Variants in UBXN2A observed in about 807,000 individuals in gnomAD.
The protein encoded by UBXN2A is UBX domain protein 2A.
Under a neutral mutation model 28.4 loss-of-function variants are expected in UBXN2A, and 28 were observed. The observed-to-expected ratio is 0.99, with a 90% CI of 0.73 to 1.35. The LOEUF (loss-of-function observed/expected upper bound fraction) is 1.35, where lower values mean the gene tolerates loss of function less well. Among genes scored for constraint, UBXN2A ranks in the 40% most tolerant of loss-of-function variants. UBXN2A has a pLI of 0.00. For missense variants in UBXN2A, 253 were observed against 297.9 expected (o/e 0.85, Z 1.11); for synonymous variants, 97 against 103.6 (o/e 0.94, Z 0.39).
chr2:23,940,232 G>A (rs986609576), upstream of UBXN2A, among the ~76,000 whole-genome samples: 3 of 152,042 alleles, frequency 2.0e-5, no homozygotes, highest in African/African-American at 7.2e-5. Context: ...AGGCTGAGGA[G>A]GTACCCAGGT....
upstream of UBXN2A, among the ~76,000 whole-genome samples, chr2:23,940,110 C>CAAAA (rs70941601): frequency 8.1e-4 from 84 of 103,992 alleles, no homozygotes; most frequent in South Asian, 2.9e-3. Context: ...GATTTAGTCT[C>CAAAA]AAAAAAAAAA....
chr2:23,999,563 G>A (rs1442159153), intron 6 of UBXN2A, 109 bp from the exon 7 acceptor site: 17 of 1,220,638 alleles, frequency 1.4e-5, no homozygotes, highest in African/African-American at 9.3e-5. Context: ...AAAGCAAGAC[G>A]CTATCTCTAA....
intron 6 of UBXN2A, among the ~76,000 whole-genome samples, chr2:23,985,875 C>T (rs1458796858): frequency 6.6e-6 from 1 of 151,986 alleles, no homozygotes; most frequent in Non-Finnish European, 1.5e-5. Context: ...GATGCACATC[C>T]GTAGTCCCAG....
chr2:23,962,554 C>G (rs557152156), intron 2 of UBXN2A, among the ~76,000 whole-genome samples: 1 of 151,694 alleles, frequency 6.6e-6, no homozygotes, highest in Non-Finnish European at 1.5e-5. Flanking sequence ...AAGACATACC[C>G]GAGACTGGGC....
rs189954888 is a variant in UBXN2A at position 23,982,427 on chromosome 2, A to T, written c.288-469A>T. On this transcript the variant is annotated intron_variant, in intron 4 of 6. Coordinates refer to ENST00000309033, the MANE Select transcript of UBXN2A (RefSeq NM_181713.4). ...CACATTTAAAGCCGTCCTAGGCCAC[A>T]GATTGGACAAGCCTGGTGTAGTATA... Among the ~76,000 whole-genome samples the T allele has an allele frequency of 8.5e-5, 13 of 152,240 alleles. No individual in the cohort carries two copies. The East Asian group carries it at 2.1e-3, about 25-fold the overall frequency.
intron 2 of UBXN2A, among the ~76,000 whole-genome samples, chr2:23,965,338 T>C (rs373782888): frequency 6.6e-6 from 1 of 152,236 alleles, no homozygotes; most frequent in Non-Finnish European, 1.5e-5. Flanking sequence ...TTAAATATGA[T>C]GTTAGATGTA....
chr2:23,985,106 TA>T (rs1708072713), intron 6 of UBXN2A, among the ~76,000 whole-genome samples: 1 of 152,050 alleles, frequency 6.6e-6, no homozygotes, highest in Admixed American at 6.6e-5. Flanking sequence ...CAGCTAATTT[TA>T]AAAATTGTTT....
intron 3 of UBXN2A, among the ~76,000 whole-genome samples, chr2:23,974,016 A>ATT (rs71395170): frequency 0.014 from 1,912 of 140,424 alleles, 33 homozygotes; most frequent in Non-Finnish European, 0.021. Context: ...AAAATGATTA[A>ATT]TTTTTTTTTT....
In UBXN2A at chr2:23,967,252, A is replaced by C. The variant is rs541971238; in HGVS notation, c.42-4024A>C. Among the ~76,000 whole-genome samples the C allele has an allele frequency of 1.1e-3, 171 of 152,298 alleles. 1 individual carries two copies. The highest frequency in any genetic ancestry group is 4.0e-3 in the African/African-American group (167 of 41,590). On this transcript the variant is annotated intron_variant, in intron 2 of 6. Transcript: ENST00000309033. ...AAATATTTGAGTAATTTGAATGCAC[A>C]TGATGAAGTTTAATAGAATTTACAC...
intron 2 of UBXN2A, among the ~76,000 whole-genome samples, chr2:23,961,803 C>A (rs542045812): frequency 2.0e-5 from 3 of 150,978 alleles, no homozygotes; most frequent in African/African-American, 7.3e-5. Flanking sequence ...GCCTCGGACT[C>A]CCATAGTGCT....
At chr2:23,947,764 A>T (rs959754250) in intron 1 of UBXN2A, among the ~76,000 whole-genome samples, 1 of 152,212 alleles carries the variant, frequency 6.6e-6, no homozygotes, top group Non-Finnish European at 1.5e-5. Flanking sequence ...AGAAACTGTC[A>T]TACTGATACT....
At chr2:23,958,277 C>T in intron 1 of UBXN2A, 24 bp from the exon 2 acceptor site, 7 of 1,567,908 alleles carry the variant, frequency 4.5e-6, no homozygotes, top group Non-Finnish European at 6.0e-6. Flanking sequence ...TTTCTTTTTA[C>T]TTACTTTCTT....
chr2:23,945,466 G>T (rs1706020744), intron 1 of UBXN2A, among the ~76,000 whole-genome samples: 1 of 152,160 alleles, frequency 6.6e-6, no homozygotes, highest in South Asian at 2.1e-4. Flanking sequence ...TGGTTCTGAT[G>T]CTATCATAGT....
At chr2:23,969,821 AAAAT>A (rs1329028944) in intron 2 of UBXN2A, among the ~76,000 whole-genome samples, 2 of 152,180 alleles carry the variant, frequency 1.3e-5, no homozygotes, top group Admixed American at 1.3e-4. Flanking sequence ...CTCTGTCTCA[AAAAT>A]AAATAAATAA....
Position 23,996,485 on chromosome 2 carries a change from T to C in UBXN2A, c.585-3187T>C, listed in dbSNP as rs1183825667. ...CTTTTTTCTTTTTCTTTTTCTTTTT[T>C]TTTTTTTTAAGATAGAGTTTCGCTC... is the stretch of plus-strand genomic sequence containing the variant. On this transcript the variant is annotated intron_variant, in intron 6 of 6. Coordinates refer to ENST00000309033, the MANE Select transcript of UBXN2A (RefSeq NM_181713.4). Among the ~76,000 whole-genome samples, 6 of 151,176 alleles carry C rather than the reference T, an allele frequency of 4.0e-5. 1 individual carries two copies. Among genetic ancestry groups the C allele is most frequent in the Admixed American group, 2.0e-4 (3 of 15,158 alleles).
Position 24,000,091 on chromosome 2 carries a change from T to C in UBXN2A, c.*224T>C, listed in dbSNP as rs1708685032. 1.4e-5 allele frequency: 7 copies of C among 486,322 alleles called. No homozygotes were observed. The highest frequency in any genetic ancestry group is 2.5e-5 in the Non-Finnish European group (7 of 278,282). The allele number at this position is 486,322 out of a possible 1,614,324, so 30.1% of individuals were successfully genotyped here. ...TTCTCCAAAAGACTACCCAGAAAAATAGACTTATTTTCAAATACCAGTTAT... is the reference window on the plus strand; with the variant it reads ...TTCTCCAAAAGACTACCCAGAAAAACAGACTTATTTTCAAATACCAGTTAT... On this transcript the variant is annotated 3_prime_UTR_variant, in exon 7 of 7. Coordinates refer to ENST00000309033, the MANE Select transcript of UBXN2A (RefSeq NM_181713.4).
Position 23,984,679 on chromosome 2 carries a change from A to G in UBXN2A, c.432A>G (p.Thr144=), listed in dbSNP as rs765444239. The part of the protein sequence containing the change: ...SGQGHRLGSA[T]PKIVSKAKNI... ...GTTGTCTGGATTTCCTTAGTGCCAC[A>G]CCAAAAATTGTTTCTAAAGCAAAGA... The change falls in exon 6 of 7, where the codon ACA becomes ACG. Residue 144 remains threonine (T), a synonymous_variant. Coordinates refer to ENST00000309033, the MANE Select transcript of UBXN2A (RefSeq NM_181713.4). 4 of 1,520,404 alleles carry G rather than the reference A, an allele frequency of 2.6e-6. No individual in the cohort carries two copies. In the East Asian group the frequency reaches 9.9e-5, roughly 38 times the overall value. 94.2% of individuals were successfully genotyped at this position (1,520,404 alleles called of 1,614,324 possible).
chr2:23,966,323 A>T (rs1170710510), intron 2 of UBXN2A, among the ~76,000 whole-genome samples: 1 of 151,700 alleles, frequency 6.6e-6, no homozygotes, highest in Non-Finnish European at 1.5e-5. Context: ...TTTTTAGTAG[A>T]GACGGGGTTT....
At chr2:23,959,602 A>G (rs2150837398) in intron 2 of UBXN2A, among the ~76,000 whole-genome samples, 1 of 152,328 alleles carries the variant, frequency 6.6e-6, no homozygotes, top group African/African-American at 2.4e-5. Context: ...TTTAGAATGT[A>G]GTTATACTCA....
Sources: gnomAD v4.1 joint callset for allele counts (sites outside exome capture counted in the v4.1 genomes callset) on GRCh38, gnomAD v4.1.1 for gene constraint, MANE v1.5 for transcripts, NCBI Gene and HGNC (gene_info 2026-07-23, HGNC 2026-07-21) for gene names.